DLG2: variants seen among roughly 807,000 people sequenced by gnomAD.
DLG2 encodes discs large MAGUK scaffold protein 2.
DLG2 carries 45 observed loss-of-function variants against 132.5 expected under a neutral mutation model. The ratio of observed to expected loss-of-function variants is 0.34; its 90% CI spans 0.27 to 0.44. The LOEUF (loss-of-function observed/expected upper bound fraction) is 0.44. DLG2 is among the 20% of genes least tolerant of loss of function. The pLI is 1.00. For synonymous variants in DLG2, 424 were observed against 419.6 expected, an observed-to-expected ratio of 1.01 and a Z score of -0.13; for missense variants, 1,045 against 1,196.9, an observed-to-expected ratio of 0.87 and a Z score of 1.87.
chr11:84,531,276 A>G (rs2099339137), intron 7 of DLG2, among the ~76,000 whole-genome samples: 1 of 152,182 alleles, frequency 6.6e-6, no homozygotes. Context: ...CTAAACAATG[A>G]GTACATATGG....
chr11:84,522,350 G>A (rs1439287298), intron 7 of DLG2, among the ~76,000 whole-genome samples: 1 of 152,108 alleles, frequency 6.6e-6, no homozygotes, highest in Non-Finnish European at 1.5e-5. Context: ...CATTACTTCT[G>A]TATGTGCCCT....
At chr11:83,861,954 T>C (rs1250679201) in intron 16 of DLG2, among the ~76,000 whole-genome samples, 1 of 152,212 alleles carries the variant, frequency 6.6e-6, no homozygotes, top group Non-Finnish European at 1.5e-5. Context: ...TATTTCACAT[T>C]GCATCCTTGT....
At chr11:84,469,265 G>A (rs944015576) in intron 7 of DLG2, among the ~76,000 whole-genome samples, 5 of 151,718 alleles carry the variant, frequency 3.3e-5, no homozygotes, top group South Asian at 2.1e-4. Flanking sequence ...AAGGAATAGA[G>A]AAAGTTGACT....
intron 10 of DLG2, among the ~76,000 whole-genome samples, chr11:84,093,252 C>T (rs1454414578): frequency 6.6e-6 from 1 of 152,142 alleles, no homozygotes; most frequent in Non-Finnish European, 1.5e-5. Flanking sequence ...CTTCCGAGCT[C>T]ATGTGGTTGT....
At chr11:83,852,205 C>T (rs951218203) in intron 16 of DLG2, among the ~76,000 whole-genome samples, 1 of 152,246 alleles carries the variant, frequency 6.6e-6, no homozygotes, top group Middle Eastern at 3.4e-3. Context: ...TTATCTGAGA[C>T]CTAGGAAGCT....
Position 84,982,918 on chromosome 11 carries a change from G to C in DLG2, c.357+128743C>G, listed in dbSNP as rs141021475. Among the ~76,000 whole-genome samples, 576 of 152,236 alleles carry C rather than the reference G, an allele frequency of 3.8e-3. 1 individual carries two copies. The highest frequency in any genetic ancestry group is 6.5e-3 in the Non-Finnish European group (439 of 68,008). On this transcript the variant is annotated intron_variant, in intron 6 of 27. Transcript: ENST00000376104. Reference sequence around the variant, plus strand: ...ATAATTCTTGAAAAGTAAGAATACAGGGGAACCTCTTCAATGAAGAAATCT... The same window carrying C: ...ATAATTCTTGAAAAGTAAGAATACACGGGAACCTCTTCAATGAAGAAATCT...
At chr11:84,532,971 G>A (rs2099346430) in intron 7 of DLG2, among the ~76,000 whole-genome samples, 3 of 152,124 alleles carry the variant, frequency 2.0e-5, no homozygotes, top group Admixed American at 2.0e-4. Flanking sequence ...TCTAACTCTA[G>A]GAATCAGCAA....
intron 6 of DLG2, among the ~76,000 whole-genome samples, chr11:84,674,793 G>A (rs553445239): frequency 1.3e-4 from 20 of 152,150 alleles, no homozygotes; most frequent in African/African-American, 1.4e-4. Context: ...CTACTTTTGC[G>A]TGTGTTCACA....
rs189379843 is a variant in DLG2 at position 83,523,254 on chromosome 11, C to G, written c.2193+9454G>C. Among the ~76,000 whole-genome samples the G allele has an allele frequency of 8.9e-4, 136 of 152,266 alleles. 1 individual carries two copies. The highest frequency in any genetic ancestry group is 1.7e-3 in the South Asian group (8 of 4,828). ...GTTGAGCTAAATTTTCTGAATAATA[C>G]TTACCTTGAATTAATGATGAAAAGA... is the stretch of plus-strand genomic sequence containing the variant. On this transcript the variant is annotated intron_variant, in intron 21 of 27. Coordinates refer to ENST00000376104, the MANE Select transcript of DLG2 (RefSeq NM_001142699.3).
At chr11:83,808,102 A>C (rs913581440) in intron 17 of DLG2, among the ~76,000 whole-genome samples, 2 of 152,018 alleles carry the variant, frequency 1.3e-5, no homozygotes, top group Non-Finnish European at 2.9e-5. Context: ...ACAATGGGCC[A>C]CTTTGCTTTT....
chr11:85,409,439 G>A (rs1190267053), intron 3 of DLG2, among the ~76,000 whole-genome samples: 1 of 151,804 alleles, frequency 6.6e-6, no homozygotes, highest in Non-Finnish European at 1.5e-5. Context: ...GTAATGGTAA[G>A]CATTAAAATA....
At chr11:85,508,095 T>A (rs373426105) in intron 3 of DLG2, among the ~76,000 whole-genome samples, 77 of 152,274 alleles carry the variant, frequency 5.1e-4, no homozygotes, top group Middle Eastern at 3.4e-3. Context: ...TTATTCTAGT[T>A]AGCCATTCAT....
intron 18 of DLG2, among the ~76,000 whole-genome samples, chr11:83,641,912 TGA>T (rs149292458): frequency 3.2e-4 from 48 of 149,676 alleles, no homozygotes; most frequent in African/African-American, 9.3e-4. Flanking sequence ...TGTGTGTGTG[TGA>T]GAGAGAGAGA....
chr11:85,113,587 C>A (rs2073109263), intron 5 of DLG2, among the ~76,000 whole-genome samples: 1 of 151,986 alleles, frequency 6.6e-6, no homozygotes, highest in Non-Finnish European at 1.5e-5. Flanking sequence ...ATAAATTATT[C>A]TTTAATCCTA....
chr11:84,099,796 T>C (rs1426766381), intron 9 of DLG2, among the ~76,000 whole-genome samples: 1 of 137,100 alleles, frequency 7.3e-6, no homozygotes, highest in Non-Finnish European at 1.5e-5. Flanking sequence ...AAGATATATA[T>C]ATAAGGATAT....
At chr11:83,891,991 G>A (rs1335107700) in intron 15 of DLG2, among the ~76,000 whole-genome samples, 1 of 152,156 alleles carries the variant, frequency 6.6e-6, no homozygotes, top group Non-Finnish European at 1.5e-5. Flanking sequence ...ATTCCTTACA[G>A]TGGTCACTGT....
At chr11:83,747,638 G>A (rs1359747061) in intron 18 of DLG2, among the ~76,000 whole-genome samples, 1 of 152,098 alleles carries the variant, frequency 6.6e-6, no homozygotes, top group Non-Finnish European at 1.5e-5. Context: ...ACACATCTTG[G>A]CCTTCCAAAG....
At chr11:85,445,283 G>A (rs1412777106) in intron 3 of DLG2, among the ~76,000 whole-genome samples, 1 of 152,194 alleles carries the variant, frequency 6.6e-6, no homozygotes. Flanking sequence ...CTCCAGACAT[G>A]TTTTTGAGAG....
intron 15 of DLG2, among the ~76,000 whole-genome samples, chr11:83,894,858 G>A (rs1046658434): frequency 1.1e-4 from 16 of 151,862 alleles, no homozygotes; most frequent in African/African-American, 3.6e-4. Context: ...GAGATCCACC[G>A]TTTTAGCTCC....
Sources: gnomAD v4.1 joint callset for allele counts (sites outside exome capture counted in the v4.1 genomes callset) on GRCh38, gnomAD v4.1.1 for gene constraint, MANE v1.5 for transcripts, NCBI Gene and HGNC (gene_info 2026-07-23, HGNC 2026-07-21) for gene names.